Variants in ELAVL1 observed in about 807,000 individuals in gnomAD.
The protein encoded by ELAVL1 is ELAV-like protein 1.
Under a neutral mutation model 28.4 loss-of-function variants are expected in ELAVL1, and 1 was observed. The ratio of observed to expected loss-of-function variants is 0.04; its 90% CI spans 0.01 to 0.17. The LOEUF is 0.17. ELAVL1 is among the 10% of genes least tolerant of loss of function. The pLI is 1.00. For synonymous variants in ELAVL1, 174 were observed against 183.5 expected (o/e 0.95, Z 0.42); for missense variants, 157 against 447.2 (o/e 0.35, Z 5.85).
At chr19:8,003,840 G>A (rs1472139090) in intron 1 of ELAVL1, among the ~76,000 whole-genome samples, 2 of 152,034 alleles carry the variant, frequency 1.3e-5, no homozygotes, top group Non-Finnish European at 2.9e-5. Context: ...CCTCTTTGTG[G>A]GCCTCGAAGT....
At chr19:7,978,346 G>A (rs1215059764) in intron 3 of ELAVL1, among the ~76,000 whole-genome samples, 1 of 152,226 alleles carries the variant, frequency 6.6e-6, no homozygotes, top group Non-Finnish European at 1.5e-5. Context: ...GGCTGGGGCT[G>A]TGAGCTGGGC....
At chr19:7,987,645 T>A (rs1174603221) in intron 2 of ELAVL1, among the ~76,000 whole-genome samples, 1 of 152,128 alleles carries the variant, frequency 6.6e-6, no homozygotes, top group African/African-American at 2.4e-5. Flanking sequence ...CAACCAGTAT[T>A]TGCTGAATGA....
At chr19:8,004,286 T>G (rs1274522418) in intron 1 of ELAVL1, among the ~76,000 whole-genome samples, 5 of 152,208 alleles carry the variant, frequency 3.3e-5, no homozygotes, top group Admixed American at 6.5e-5. Context: ...CTTCCCATTT[T>G]ATAGATAAGA....
intron 1 of ELAVL1, among the ~76,000 whole-genome samples, chr19:8,001,634 A>C (rs567303512): frequency 2.2e-5 from 3 of 139,078 alleles, no homozygotes; most frequent in Non-Finnish European, 3.2e-5. Flanking sequence ...CTTAAAAAAA[A>C]TTTTTTTTTT....
intron 2 of ELAVL1, among the ~76,000 whole-genome samples, chr19:7,984,002 C>T (rs1236391844): frequency 6.6e-6 from 1 of 152,160 alleles, no homozygotes; most frequent in Non-Finnish European, 1.5e-5. Flanking sequence ...AGGCTCCTCA[C>T]TCCCTGTCCA....
intron 2 of ELAVL1, among the ~76,000 whole-genome samples, chr19:7,985,855 C>T (rs1032260383): frequency 6.6e-6 from 1 of 152,208 alleles, no homozygotes; most frequent in Non-Finnish European, 1.5e-5. Flanking sequence ...CCTCCTCACC[C>T]TTTCTGGCCA....
intron 1 of ELAVL1, among the ~76,000 whole-genome samples, chr19:7,999,427 G>C (rs1410266472): frequency 1.3e-5 from 2 of 152,210 alleles, no homozygotes; most frequent in Non-Finnish European, 2.9e-5. Flanking sequence ...ACTTACTCTA[G>C]TTCTCAGTGC....
chr19:7,969,091 AG>A (rs1248623749), intron 4 of ELAVL1, among the ~76,000 whole-genome samples: 5 of 152,214 alleles, frequency 3.3e-5, no homozygotes. Flanking sequence ...TAGTCAAGCC[AG>A]GCCAAGGCTC....
At chr19:7,969,665 C>T (rs945030674) in intron 4 of ELAVL1, among the ~76,000 whole-genome samples, 2 of 152,134 alleles carry the variant, frequency 1.3e-5, no homozygotes, top group African/African-American at 4.8e-5. Context: ...TAGGCAAATA[C>T]GACTGAGAGC....
rs935755796 is a variant in ELAVL1 at position 7,979,006 on chromosome 19, G to A, written c.276+2077C>T. On this transcript the variant is annotated intron_variant, in intron 3 of 5. Coordinates refer to ENST00000407627, the MANE Select transcript of ELAVL1 (RefSeq NM_001419.3). The surrounding 1 kb of genome is among the most constrained non-coding windows in gnomAD (Gnocchi z 5.4). ...GGATCCGAAGTCCCTCAGTATCAAC[G>A]TATCTGGCCCAGCACCACACTGGCC... is the stretch of plus-strand genomic sequence containing the variant. 1.3e-5 allele frequency among the ~76,000 whole-genome samples: 2 copies of A among 152,196 alleles called. No homozygotes were observed. The highest frequency in any genetic ancestry group is 2.4e-5 in the African/African-American group (1 of 41,446).
In ELAVL1 at chr19:7,982,072, C is replaced by A. The variant is rs148153878; in HGVS notation, c.173-886G>T. Among the ~76,000 whole-genome samples, 536 of 152,266 alleles carry A rather than the reference C, an allele frequency of 3.5e-3. 1 individual carries two copies. Among genetic ancestry groups the A allele is most frequent in the Non-Finnish European group, 5.6e-3 (379 of 68,018 alleles). ...TTCACAGGCAGATGTCCCTGTACCC[C>A]CTTTGTGAAACACTCAGCACAGGTA... On this transcript the variant is annotated intron_variant, in intron 2 of 5. Coordinates refer to ENST00000407627, the MANE Select transcript of ELAVL1 (RefSeq NM_001419.3). The surrounding 1 kb of genome is among the most constrained non-coding windows in gnomAD (Gnocchi z 4.3).
intron 3 of ELAVL1, among the ~76,000 whole-genome samples, chr19:7,977,647 T>C (rs928508847): frequency 6.6e-6 from 1 of 152,292 alleles, no homozygotes; most frequent in East Asian, 1.9e-4. Flanking sequence ...GGGAAAAAGA[T>C]AGATAGGGAT....
At position 7,969,596 on chromosome 19, in the gene ELAVL1, C is replaced by T. The variant is rs557500960; in HGVS notation, c.431-1806G>A. ...CTGACAGATGCTGTTTTCTTTGAGT[C>T]TCTCACGACACGAATGACAGCTTAG... is the stretch of plus-strand genomic sequence containing the variant. On this transcript the variant is annotated intron_variant, in intron 4 of 5. Transcript: ENST00000407627. Among the ~76,000 whole-genome samples, 405 of 152,322 alleles carry T rather than the reference C, an allele frequency of 2.7e-3. 2 individuals are homozygous for T. The highest frequency in any genetic ancestry group is 3.6e-3 in the Non-Finnish European group (243 of 68,034).
intron 2 of ELAVL1, among the ~76,000 whole-genome samples, chr19:7,991,255 T>C (rs549868919): frequency 1.3e-5 from 2 of 152,308 alleles, no homozygotes; most frequent in East Asian, 1.9e-4. Context: ...CAGGCCTACC[T>C]GCACCTGCCC....
chr19:7,989,355 TTACTAACTACTGTCCAAAGA>T (rs1985694001), intron 2 of ELAVL1, among the ~76,000 whole-genome samples: 1 of 152,176 alleles, frequency 6.6e-6, no homozygotes, highest in Non-Finnish European at 1.5e-5. Flanking sequence ...GGTGCGCCAG[TTACTAACTACTGTCCAAAGA>T]TAAGACAGGG....
Position 7,967,750 on chromosome 19 carries a change from C to T in ELAVL1, c.471G>A (p.Arg157=), listed in dbSNP as rs149337587. The T allele has an allele frequency of 2.7e-5, 44 of 1,614,208 alleles. No homozygotes were observed. Among genetic ancestry groups the T allele is most frequent in the Middle Eastern group, 1.6e-4 (1 of 6,062 alleles). ...TGGTAATTGCCTCTTCTGCCTCCGA[C>T]CGTTTGTCAAACCGGATAAACGCAA... ...RGVAFIRFDK[R]SEAEEAITSF... is the part of the protein sequence containing the mutation. The change falls in exon 5 of 6, where the codon CGG becomes CGA. Residue 157 remains arginine (R), a synonymous_variant. Coordinates refer to ENST00000407627, the MANE Select transcript of ELAVL1 (RefSeq NM_001419.3).
chr19:8,001,432 C>G (rs2081067425), intron 1 of ELAVL1, among the ~76,000 whole-genome samples: 1 of 152,164 alleles, frequency 6.6e-6, no homozygotes, highest in Admixed American at 6.6e-5. Context: ...TTCCTGTCAC[C>G]TCCTGCTAGA....
At chr19:7,993,823 T>C (rs1985814409) in intron 1 of ELAVL1, among the ~76,000 whole-genome samples, 2 of 151,988 alleles carry the variant, frequency 1.3e-5, no homozygotes, top group African/African-American at 4.8e-5. Flanking sequence ...TCTTTAAAAA[T>C]AGCCTTGCCA....
At chr19:7,968,368 C>G (rs1004402793) in intron 4 of ELAVL1, among the ~76,000 whole-genome samples, 3 of 152,242 alleles carry the variant, frequency 2.0e-5, no homozygotes, top group Non-Finnish European at 4.4e-5. Context: ...CCTGTGGCCA[C>G]CCCCTGCCAG....
Sources: allele counts gnomAD v4.1 joint callset (sites outside exome capture counted in the v4.1 genomes callset), GRCh38; gene constraint gnomAD v4.1.1; non-coding constraint Gnocchi (gnomAD v3.1); transcripts MANE v1.5; gene names NCBI Gene and HGNC (gene_info 2026-07-23, HGNC 2026-07-21).